Variants in FAT3 observed in about 807,000 individuals in gnomAD.
FAT3 encodes the protein protocadherin Fat 3.
FAT3 carries 95 observed loss-of-function variants against 310.2 expected under a neutral mutation model. The ratio of observed to expected loss-of-function variants is 0.31; its 90% CI spans 0.26 to 0.36. The LOEUF (loss-of-function observed/expected upper bound fraction) is 0.36. Among genes scored for constraint, FAT3 ranks in the 10% least tolerant of loss-of-function variants. The pLI is 1.00. For synonymous variants in FAT3, 2,314 were observed against 2,192.9 expected (o/e 1.06, Z -1.54); for missense variants, 5,408 against 5,715.6 (o/e 0.95, Z 1.74).
intron 7 of FAT3, among the ~76,000 whole-genome samples, chr11:92,786,232 C>G (rs1946889782): frequency 6.6e-6 from 1 of 151,824 alleles, no homozygotes; most frequent in Admixed American, 6.6e-5. Context: ...CATTTATAAC[C>G]TGAAAGCTCA....
At position 92,798,908 on chromosome 11, in the gene FAT3, C is replaced by T. The variant is rs1257225510; in HGVS notation, c.5895C>T (p.Thr1965=). The T allele has an allele frequency of 6.2e-7, 1 of 1,614,002 alleles. No individual in the cohort carries two copies. Among genetic ancestry groups the T allele is most frequent in the Non-Finnish European group, 8.5e-7 (1 of 1,179,880 alleles). The change falls in exon 10 of 28, where the codon ACC becomes ACT. Residue 1965 remains threonine, a synonymous_variant. Transcript: ENST00000525166. ...TGTCTGATGGAAAGTTCTACAGTAC[C>T]TCCATGGTCACCATCATGGTTAAAG... The part of the protein sequence containing the change: ...VKVSDGKFYS[T]SMVTIMVKEA...
intron 3 of FAT3, among the ~76,000 whole-genome samples, chr11:92,599,314 G>A (rs1018947678): frequency 6.6e-6 from 1 of 152,142 alleles, no homozygotes; most frequent in African/African-American, 2.4e-5. Flanking sequence ...GCAAGGAGAA[G>A]TACAGAATGA....
At chr11:92,322,144 G>A (rs1389945833) in intron 1 of FAT3, among the ~76,000 whole-genome samples, 5 of 152,234 alleles carry the variant, frequency 3.3e-5, no homozygotes, top group Admixed American at 2.6e-4. Context: ...GATAGTGTGG[G>A]TTCAGGTCCA....
At chr11:92,295,337 A>G (rs1946822338) in intron 1 of FAT3, among the ~76,000 whole-genome samples, 1 of 152,152 alleles carries the variant, frequency 6.6e-6, no homozygotes, top group Non-Finnish European at 1.5e-5. Flanking sequence ...CTGCATTTAA[A>G]GTGACTTGGC....
rs545159572 is a variant in FAT3, at chr11:92,812,254, G to T, written c.9481+2178G>T. ...GTAGAATTTATCTTGGAGCCAAACT[G>T]AACCTCTGTCTGGAAGCTGAGTTTG... On this transcript the variant is annotated intron_variant, in intron 13 of 27. Coordinates refer to ENST00000525166, the MANE Select transcript of FAT3 (RefSeq NM_001367949.2). Among the ~76,000 whole-genome samples the T allele has an allele frequency of 1.6e-4, 24 of 152,248 alleles. No individual in the cohort carries two copies. In the East Asian group the frequency reaches 4.6e-3, roughly 29 times the overall value.
intron 2 of FAT3, among the ~76,000 whole-genome samples, chr11:92,392,394 G>T (rs544689962): frequency 1.3e-5 from 2 of 152,028 alleles, no homozygotes; most frequent in Non-Finnish European, 2.9e-5. Context: ...AAGGTTTGGG[G>T]CATTTGGTGA....
chr11:92,365,145 CTGTGG>C (rs1948985170), intron 2 of FAT3, among the ~76,000 whole-genome samples: 1 of 152,122 alleles, frequency 6.6e-6, no homozygotes. Flanking sequence ...TGGCATGCAC[CTGTGG>C]TCCCAGCTAC....
At chr11:92,559,546 A>C in intron 3 of FAT3, 1 of 289,108 alleles carries the variant, frequency 3.5e-6, no homozygotes, top group Non-Finnish European at 7.0e-6. Flanking sequence ...CGCCATGCCC[A>C]GCTACTTTTT....
intron 3 of FAT3, among the ~76,000 whole-genome samples, chr11:92,554,441 G>T (rs891042751): frequency 8.6e-6 from 1 of 116,946 alleles, no homozygotes; most frequent in East Asian, 2.8e-4. Context: ...CAACCTGGGC[G>T]AAAGAGTGAG....
intron 3 of FAT3, among the ~76,000 whole-genome samples, chr11:92,619,248 G>C (rs999143251): frequency 2.0e-5 from 3 of 152,040 alleles, no homozygotes; most frequent in Non-Finnish European, 4.4e-5. Flanking sequence ...GCTAGTATTT[G>C]TTGATAACTT....
chr11:92,258,880 A>G (rs1865422845), intron 1 of FAT3, among the ~76,000 whole-genome samples: 1 of 152,014 alleles, frequency 6.6e-6, no homozygotes, highest in South Asian at 2.1e-4. Flanking sequence ...GCCTTGTGGA[A>G]GAGCCAACAC....
chr11:92,581,196 G>C (rs150529635), intron 3 of FAT3, among the ~76,000 whole-genome samples: 2 of 152,022 alleles, frequency 1.3e-5, no homozygotes, highest in African/African-American at 4.8e-5. Context: ...GAGCTTTGCT[G>C]TCCTCCTTAA....
intron 3 of FAT3, among the ~76,000 whole-genome samples, chr11:92,617,798 A>G (rs1017287410): frequency 6.6e-6 from 1 of 152,190 alleles, no homozygotes; most frequent in Non-Finnish European, 1.5e-5. Context: ...GCAGAACAGC[A>G]AATATTGCAG....
chr11:92,668,906 C>G (rs1427605427), intron 3 of FAT3, among the ~76,000 whole-genome samples: 1 of 152,168 alleles, frequency 6.6e-6, no homozygotes, highest in Non-Finnish European at 1.5e-5. Flanking sequence ...AGTTCCCCAA[C>G]AAGGGAAGGA....
chr11:92,303,048 A>G (rs1210026077), intron 1 of FAT3, among the ~76,000 whole-genome samples: 1 of 152,076 alleles, frequency 6.6e-6, no homozygotes, highest in Non-Finnish European at 1.5e-5. Flanking sequence ...GTGTGAATCA[A>G]AGATGTTTAG....
chr11:92,230,706 A>T (rs758890927), intron 1 of FAT3, among the ~76,000 whole-genome samples: 9 of 152,226 alleles, frequency 5.9e-5, no homozygotes, highest in Non-Finnish European at 1.2e-4. Context: ...AAATATATCC[A>T]TTGCTTCTGC....
intron 4 of FAT3, among the ~76,000 whole-genome samples, chr11:92,726,549 C>T (rs1412901467): frequency 6.6e-6 from 1 of 151,998 alleles, no homozygotes; most frequent in African/African-American, 2.4e-5. Context: ...TTTTAAATGA[C>T]ATTCAGAAGA....
rs768077059 is a variant in FAT3, at chr11:92,801,038, G to A, written c.8025G>A (p.Ser2675=). ...NFNQLKNTVL[S]FFVKAVDGGI... Reference sequence around the variant, plus strand: ...ACCAGCTGAAAAATACAGTGCTTTCGTTCTTTGTCAAAGCAGTAGATGGGG... The same window carrying A: ...ACCAGCTGAAAAATACAGTGCTTTCATTCTTTGTCAAAGCAGTAGATGGGG... The change falls in exon 10 of 28, where the codon TCG becomes TCA. Residue 2675 remains serine, a synonymous_variant. Coordinates refer to ENST00000525166, the MANE Select transcript of FAT3 (RefSeq NM_001367949.2). The A allele has an allele frequency of 3.5e-5, 56 of 1,613,636 alleles. No homozygotes were observed. Among genetic ancestry groups the A allele is most frequent in the Middle Eastern group, 3.3e-4 (2 of 6,082 alleles).
At chr11:92,616,458 G>T (rs539476671) in intron 3 of FAT3, among the ~76,000 whole-genome samples, 1 of 152,068 alleles carries the variant, frequency 6.6e-6, no homozygotes, top group Non-Finnish European at 1.5e-5. Flanking sequence ...CCTTTAATTG[G>T]AGCATTTAGC....
Sources: gnomAD v4.1 joint callset for allele counts (sites outside exome capture counted in the v4.1 genomes callset) on GRCh38, gnomAD v4.1.1 for gene constraint, MANE v1.5 for transcripts, NCBI Gene and HGNC (gene_info 2026-07-23, HGNC 2026-07-21) for gene names.